Variants in KDM2A observed in about 807,000 individuals in gnomAD.
KDM2A encodes the protein lysine-specific demethylase 2A.
A neutral mutation model predicts 137.3 loss-of-function variants in KDM2A; 3 were observed. The observed-to-expected ratio is 0.02, with a 90% CI of 0.01 to 0.06. The LOEUF is 0.06. KDM2A is among the 10% of genes least tolerant of loss of function. The pLI is 1.00. For synonymous variants in KDM2A, 512 were observed against 541.5 expected (o/e 0.95, Z 0.76); for missense variants, 738 against 1,510.6 (o/e 0.49, Z 8.48).
At chr11:67,193,870 A>G (rs1392661300) in intron 5 of KDM2A, among the ~76,000 whole-genome samples, 2 of 152,126 alleles carry the variant, frequency 1.3e-5, no homozygotes, top group East Asian at 1.9e-4. Flanking sequence ...CAATACATAC[A>G]TACATACATA....
chr11:67,246,696 C>A (rs1322349659), intron 15 of KDM2A, among the ~76,000 whole-genome samples: 1 of 152,084 alleles, frequency 6.6e-6, no homozygotes, highest in Non-Finnish European at 1.5e-5. Context: ...TGTGGAGAAC[C>A]ACTGTTTCCT....
intron 5 of KDM2A, among the ~76,000 whole-genome samples, chr11:67,192,178 C>T (rs1857370743): frequency 6.6e-6 from 1 of 151,912 alleles, no homozygotes; most frequent in African/African-American, 2.4e-5. Context: ...CCATTCTTCC[C>T]ATTTTCAATC....
intron 2 of KDM2A, among the ~76,000 whole-genome samples, chr11:67,156,365 A>G (rs1399035440): frequency 6.6e-6 from 1 of 151,916 alleles, no homozygotes; most frequent in Non-Finnish European, 1.5e-5. Flanking sequence ...CAGGTGGATC[A>G]TGAGGTCAGG....
rs1186232306 is a variant in KDM2A, at chr11:67,250,241, T to C, written c.2211T>C (p.Thr737=). The stretch of plus-strand genomic sequence containing the variant: ...CGGTTTCCCCCCGGGGTATGGTGAC[T>C]CGGTCATCCCCTGGGGCTGGCCCCA... ...HDPVSPRGMV[T]RSSPGAGPSD... Residue 737 remains threonine (T), a synonymous_variant, in exon 17 of 21, where the codon ACT becomes ACC. Coordinates refer to ENST00000529006, the MANE Select transcript of KDM2A (RefSeq NM_012308.3). This position sits in a 1 kb window ranked among gnomAD's most constrained non-coding sequence, Gnocchi z 7.1. 6.2e-7 allele frequency: 1 copy of C among 1,613,824 alleles called. No individual in the cohort carries two copies. The highest frequency in any genetic ancestry group is 1.7e-5 in the Admixed American group (1 of 60,010).
chr11:67,195,284 A>G (rs1455000007), intron 5 of KDM2A, among the ~76,000 whole-genome samples: 1 of 143,758 alleles, frequency 7.0e-6, no homozygotes, highest in African/African-American at 2.6e-5. Context: ...CAGGAGAATC[A>G]CTTGAACCCA....
Position 67,253,434 on chromosome 11 carries a change from C to T in KDM2A, c.2933-19C>T, listed in dbSNP as rs1458924018. ...TGGGAAACAGTGTATTATTACATGT[C>T]TCATTCCATCCATTGCAGGACTGAA... On this transcript the variant is annotated intron_variant, in intron 18 of 20. Transcript: ENST00000529006. 1 of 1,609,518 alleles carries T rather than the reference C, an allele frequency of 6.2e-7. No homozygotes were observed. The highest frequency in any genetic ancestry group is 8.5e-7 in the Non-Finnish European group (1 of 1,176,168).
intron 12 of KDM2A, among the ~76,000 whole-genome samples, chr11:67,242,278 ATGTGTGTGTGTG>A (rs35881675): frequency 6.8e-5 from 10 of 148,088 alleles, no homozygotes; most frequent in African/African-American, 2.5e-4. Context: ...GGGTGTGTGT[ATGTGTGTGTGTG>A]TGTGTGTGTG....
chr11:67,208,315 C>T (rs570468996), intron 6 of KDM2A, among the ~76,000 whole-genome samples: 4 of 151,912 alleles, frequency 2.6e-5, no homozygotes, highest in Admixed American at 1.3e-4. Flanking sequence ...TCAAGCAGTT[C>T]TCCCACCTTG....
rs750153756 is a variant in KDM2A, at chr11:67,255,059, A to G, written c.*4A>G. 3.7e-6 allele frequency: 6 copies of G among 1,606,314 alleles called. No individual in the cohort carries two copies. In the South Asian group the frequency reaches 5.6e-5, roughly 15 times the overall value. On this transcript the variant is annotated 3_prime_UTR_variant, in exon 21 of 21. Coordinates refer to ENST00000529006, the MANE Select transcript of KDM2A (RefSeq NM_012308.3). ...GCTGATACAGAAGATCAGCTAAGAC[A>G]CACCCAGCCCAGATTCAACAGGAAA...
At chr11:67,136,790 A>G (rs551188669) in intron 2 of KDM2A, among the ~76,000 whole-genome samples, 1 of 152,294 alleles carries the variant, frequency 6.6e-6, no homozygotes, top group South Asian at 2.1e-4. Context: ...ATGTTCAGAT[A>G]CCATGTAGGG....
chr11:67,119,311 C>T lies in KDM2A; in HGVS notation c.-822C>T, dbSNP rs563697375. ...AATGGCGGCGGCTGCTTCAGCGGCT[C>T]CTCCTGTGTGAGGGAAACAACACCC... On this transcript the variant is annotated 5_prime_UTR_variant, in exon 1 of 21. Transcript: ENST00000529006. 2 of 159,810 alleles carry T rather than the reference C, an allele frequency of 1.3e-5. No homozygotes were observed. The highest frequency in any genetic ancestry group is 2.7e-5 in the Non-Finnish European group (2 of 73,988). The allele number at this position is 159,810 out of a possible 1,614,324, so 9.9% of individuals were successfully genotyped here. A position where few individuals can be genotyped will look rare whatever the true frequency, so the allele number is the denominator to read the frequency against.
rs1859564611 is a variant in KDM2A at position 67,255,304 on chromosome 11, T to C, written c.*249T>C. ...TCTGAGGGGAAAGCACAGGCTGTGCTGTCGAGGCGCCTGCTCGCTTACTCG... is the reference window on the plus strand; with the variant it reads ...TCTGAGGGGAAAGCACAGGCTGTGCCGTCGAGGCGCCTGCTCGCTTACTCG... On this transcript the variant is annotated 3_prime_UTR_variant, in exon 21 of 21. Coordinates refer to ENST00000529006, the MANE Select transcript of KDM2A (RefSeq NM_012308.3). 3.7e-6 allele frequency: 2 copies of C among 535,104 alleles called. No individual in the cohort carries two copies. Among genetic ancestry groups the C allele is most frequent in the South Asian group, 2.0e-5 (1 of 51,030 alleles). The allele number at this position is 535,104 out of a possible 1,614,324, so 33.1% of individuals were successfully genotyped here.
At chr11:67,156,580 G>A (rs113675375) in intron 2 of KDM2A, among the ~76,000 whole-genome samples, 9 of 152,104 alleles carry the variant, frequency 5.9e-5, no homozygotes, top group Non-Finnish European at 8.8e-5. Context: ...TTAGCCGGGC[G>A]TGGTGGTAGG....
At chr11:67,223,192 CAA>C (rs560774486) in intron 10 of KDM2A, among the ~76,000 whole-genome samples, 12 of 89,392 alleles carry the variant, frequency 1.3e-4, no homozygotes, top group Non-Finnish European at 1.3e-4. Flanking sequence ...AACTCCATCT[CAA>C]AAAAAAAAAA....
intron 5 of KDM2A, among the ~76,000 whole-genome samples, chr11:67,184,683 C>T (rs1857164805): frequency 6.6e-6 from 1 of 152,138 alleles, no homozygotes; most frequent in Non-Finnish European, 1.5e-5. Context: ...TTAGTTTTCT[C>T]TTTTCCCCTT....
At chr11:67,180,000 A>G in intron 2 of KDM2A, 79 bp from the exon 3 acceptor site, 2 of 1,435,430 alleles carry the variant, frequency 1.4e-6, no homozygotes, top group Non-Finnish European at 1.9e-6. Flanking sequence ...CACTTTGCAC[A>G]TGTAGGGAAA....
At chr11:67,240,446 C>G in intron 12 of KDM2A, 1 of 1,273,684 alleles carries the variant, frequency 7.9e-7, no homozygotes, top group Non-Finnish European at 1.1e-6. Flanking sequence ...AGTGAAGAGG[C>G]AGGAGAAACT....
chr11:67,122,642 T>TTTTTA (rs1491518159), intron 2 of KDM2A, among the ~76,000 whole-genome samples: 6 of 147,030 alleles, frequency 4.1e-5, no homozygotes, highest in African/African-American at 1.5e-4. Context: ...TTTTTATTTA[T>TTTTTA]TTTTATTTAT....
At chr11:67,221,430 T>G (rs1477888475) in intron 10 of KDM2A, among the ~76,000 whole-genome samples, 2 of 152,328 alleles carry the variant, frequency 1.3e-5, no homozygotes, top group East Asian at 3.9e-4. Context: ...AATTCACAAC[T>G]TTTATATGAA....
Sources: allele counts gnomAD v4.1 joint callset (sites outside exome capture counted in the v4.1 genomes callset), GRCh38; gene constraint gnomAD v4.1.1; non-coding constraint Gnocchi (gnomAD v3.1); transcripts MANE v1.5; gene names NCBI Gene and HGNC (gene_info 2026-07-23, HGNC 2026-07-21).